MAN1A2: variants seen among roughly 807,000 people sequenced by gnomAD.
The protein encoded by MAN1A2 is mannosidase alpha class 1A member 2.
In MAN1A2, 26 loss-of-function variants were observed where a neutral mutation model predicts 75.7. The observed-to-expected ratio is 0.34, with a 90% confidence interval of 0.25 to 0.48. The LOEUF (loss-of-function observed/expected upper bound fraction) is 0.48, where lower values mean the gene tolerates loss of function less well. Among genes scored for constraint, MAN1A2 ranks in the 20% least tolerant of loss-of-function variants. MAN1A2 has a pLI of 0.99. For synonymous variants in MAN1A2, 247 were observed against 264.6 expected, an observed-to-expected ratio of 0.93 and a Z score of 0.65; for missense variants, 562 against 775.5, an observed-to-expected ratio of 0.72 and a Z score of 3.27.
intron 5 of MAN1A2, among the ~76,000 whole-genome samples, chr1:117,427,538 A>G (rs963847449): frequency 6.6e-6 from 1 of 152,240 alleles, no homozygotes; most frequent in Admixed American, 6.5e-5. Flanking sequence ...GGAATCCTGT[A>G]TGAAGAGAGC....
chr1:117,519,716 A>T (rs1425687724), intron 12 of MAN1A2, among the ~76,000 whole-genome samples: 1 of 151,956 alleles, frequency 6.6e-6, no homozygotes, highest in Non-Finnish European at 1.5e-5. Context: ...AAGCCCAGGA[A>T]CAGACGGATT....
chr1:117,408,938 G>A (rs1214613604), intron 3 of MAN1A2, among the ~76,000 whole-genome samples: 1 of 151,970 alleles, frequency 6.6e-6, no homozygotes, highest in Non-Finnish European at 1.5e-5. Context: ...AGAATTGTTT[G>A]GAGTATTGCC....
chr1:117,518,484 C>T (rs1013986898), intron 12 of MAN1A2, among the ~76,000 whole-genome samples: 5 of 150,770 alleles, frequency 3.3e-5, no homozygotes, highest in Middle Eastern at 3.4e-3. Flanking sequence ...AAAATATTAG[C>T]GAAAGAAAGT....
chr1:117,445,906 ATG>A (rs1649220213), intron 6 of MAN1A2, among the ~76,000 whole-genome samples: 1 of 142,032 alleles, frequency 7.0e-6, no homozygotes, highest in Non-Finnish European at 1.6e-5. Context: ...ATATGTATAT[ATG>A]TAAATTTATA....
At chr1:117,520,522 C>T (rs1651841700) in intron 12 of MAN1A2, among the ~76,000 whole-genome samples, 1 of 151,984 alleles carries the variant, frequency 6.6e-6, no homozygotes, top group African/African-American at 2.4e-5. Flanking sequence ...TATACAACAA[C>T]AGCAACCAAG....
At position 117,405,527 on chromosome 1, in the gene MAN1A2, A is replaced by G. The variant is rs1266945738; in HGVS notation, c.559-22A>G. The stretch of plus-strand genomic sequence containing the variant: ...GTTTGTGAAAAATTTAAATTGATGG[A>G]TTATAATTTTTCTCTTTTCAGATGA... On this transcript the variant is annotated intron_variant, in intron 2 of 12. Coordinates refer to ENST00000356554, the MANE Select transcript of MAN1A2 (RefSeq NM_006699.5). The G allele has an allele frequency of 2.8e-6, 4 of 1,408,704 alleles. No individual in the cohort carries two copies. In the South Asian group the frequency reaches 4.6e-5, roughly 16 times the overall value. 87.3% of individuals were successfully genotyped at this position (1,408,704 alleles called of 1,614,324 possible).
intron 3 of MAN1A2, 128 bp from the exon 4 acceptor site, chr1:117,414,585 T>A (rs1210034306): frequency 1.1e-5 from 6 of 531,956 alleles, no homozygotes; most frequent in Non-Finnish European, 3.4e-6. Context: ...ATACTCTTAC[T>A]TTAGTTTACC....
intron 2 of MAN1A2, 108 bp from the exon 3 acceptor site, chr1:117,405,441 A>ATTT: frequency 1.4e-6 from 1 of 711,900 alleles, no homozygotes. Flanking sequence ...ACTAATATAG[A>ATTT]TCTGGAAGAA....
At chr1:117,480,044 C>G (rs1650445505) in intron 8 of MAN1A2, among the ~76,000 whole-genome samples, 1 of 151,842 alleles carries the variant, frequency 6.6e-6, no homozygotes, top group Non-Finnish European at 1.5e-5. Flanking sequence ...ATCCACTGTT[C>G]CCAGTAGGCT....
At chr1:117,466,037 G>C (rs570783961) in intron 7 of MAN1A2, among the ~76,000 whole-genome samples, 1 of 152,230 alleles carries the variant, frequency 6.6e-6, no homozygotes, top group South Asian at 2.1e-4. Context: ...TGATGTTTCA[G>C]ATGGTATTTC....
At chr1:117,461,891 A>G (rs12402089) in intron 7 of MAN1A2, among the ~76,000 whole-genome samples, 2,099 of 152,284 alleles carry the variant, frequency 0.014, 103 homozygotes, top group Admixed American at 0.1. Context: ...TAGAATTTAT[A>G]CAGTAAAGAA....
intron 5 of MAN1A2, among the ~76,000 whole-genome samples, chr1:117,424,269 G>A (rs1282305529): frequency 6.6e-6 from 1 of 152,074 alleles, no homozygotes; most frequent in Non-Finnish European, 1.5e-5. Flanking sequence ...TTACTGCATT[G>A]CCTAGGACAT....
chr1:117,502,856 C>G lies in MAN1A2; in HGVS notation c.1679C>G (p.Ala560Gly). 1 of 1,522,344 alleles carries G rather than the reference C, an allele frequency of 6.6e-7. No individual in the cohort carries two copies. Among genetic ancestry groups the G allele is most frequent in the Non-Finnish European group, 9.1e-7 (1 of 1,100,418 alleles). 94.3% of individuals were successfully genotyped at this position (1,522,344 alleles called of 1,614,324 possible). A position where few individuals can be genotyped will look rare whatever the true frequency, so the allele number is the denominator to read the frequency against. Reference protein sequence around the residue: ...YRQWGWEAALAIEKYCRVNGG... With the variant: ...YRQWGWEAALGIEKYCRVNGG... The stretch of plus-strand genomic sequence containing the variant: ...TATTTTGTCTGATCTCTTTCATAGG[C>G]CATTGAAAAGTATTGCCGAGTTAAT... Residue 560 changes from alanine to glycine, a missense_variant and splice_region_variant, in exon 12 of 13, where the codon GCC (alanine) becomes GGC (glycine). Ala to Gly is a moderately conservative substitution (Grantham distance 60). Coordinates refer to ENST00000356554, the MANE Select transcript of MAN1A2 (RefSeq NM_006699.5).
intron 6 of MAN1A2, among the ~76,000 whole-genome samples, chr1:117,458,513 A>ATT (rs1649692956): frequency 4.3e-5 from 3 of 69,356 alleles, no homozygotes; most frequent in African/African-American, 7.1e-5. Flanking sequence ...ATATATATAG[A>ATT]TATATATATA....
intron 5 of MAN1A2, among the ~76,000 whole-genome samples, chr1:117,428,989 G>A (rs1648482639): frequency 7.0e-6 from 1 of 143,552 alleles, no homozygotes; most frequent in East Asian, 2.0e-4. Flanking sequence ...TTGAGATTAG[G>A]GATTGGTGAT....
intron 1 of MAN1A2, among the ~76,000 whole-genome samples, chr1:117,398,541 G>A (rs1018754367): frequency 1.3e-5 from 2 of 152,234 alleles, no homozygotes; most frequent in Admixed American, 1.3e-4. Flanking sequence ...AGGCGTGGTG[G>A]CGTGTGCCTG....
At chr1:117,408,592 G>A (rs1202793550) in intron 3 of MAN1A2, among the ~76,000 whole-genome samples, 2 of 152,042 alleles carry the variant, frequency 1.3e-5, no homozygotes, top group Non-Finnish European at 2.9e-5. Context: ...AAGAGATACT[G>A]CTCTGTACTT....
At chr1:117,491,513 T>G (rs1650883176) in intron 8 of MAN1A2, among the ~76,000 whole-genome samples, 1 of 38,862 alleles carries the variant, frequency 2.6e-5, no homozygotes, top group African/African-American at 6.6e-5. Flanking sequence ...ATGCACCTGA[T>G]CACCATTTTC....
chr1:117,419,195 A>G (rs1358119531), intron 4 of MAN1A2, among the ~76,000 whole-genome samples: 1 of 152,070 alleles, frequency 6.6e-6, no homozygotes, highest in Non-Finnish European at 1.5e-5. Context: ...ATGTGAAGGC[A>G]TCGTAGGGGT....
Sources: gnomAD v4.1 joint callset for allele counts (sites outside exome capture counted in the v4.1 genomes callset) on GRCh38, gnomAD v4.1.1 for gene constraint, MANE v1.5 for transcripts, NCBI Gene and HGNC (gene_info 2026-07-23, HGNC 2026-07-21) for gene names.